The following RAB7A variants were observed in gnomAD, a reference collection of about 807,000 sequenced individuals.
RAB7A encodes ras-related protein Rab-7a.
In RAB7A, 2 loss-of-function variants were observed where a neutral mutation model predicts 24.5. That is an observed-to-expected ratio of 0.08 (90% CI 0.03 to 0.26). The LOEUF (loss-of-function observed/expected upper bound fraction) is 0.26. Ranked by LOEUF, RAB7A falls within the 10% of genes least tolerant of loss-of-function variation. The pLI is 1.00. For missense variants in RAB7A, 118 were observed against 255.7 expected (o/e 0.46, Z 3.67); for synonymous variants, 100 against 95.9 (o/e 1.04, Z -0.25).
chr3:128,754,206 CAAG>C (rs1330736290), intron 1 of RAB7A, among the ~76,000 whole-genome samples: 2 of 152,036 alleles, frequency 1.3e-5, no homozygotes, highest in East Asian at 1.9e-4. Flanking sequence ...ACTTATGTAT[CAAG>C]AAGTTATTAG....
intron 1 of RAB7A, chr3:128,765,071 CG>C (rs147341430): frequency 2.9e-6 from 3 of 1,022,860 alleles, no homozygotes; most frequent in African/African-American, 1.6e-5. Context: ...GGAGCGGCGG[CG>C]GGGGCCTTGG....
rs887831293 is a variant in RAB7A at position 128,747,529 on chromosome 3, T to A, written c.-9+21170T>A. On this transcript the variant is annotated intron_variant, in intron 1 of 5. Transcript: ENST00000265062. ...TGAACCCAGGAGGCGGAGGTTGCAG[T>A]GAGCCGAGATCACGCCATTGCACTC... 3.3e-5 allele frequency among the ~76,000 whole-genome samples: 5 copies of A among 151,012 alleles called. No homozygotes were observed. The East Asian group carries it at 7.8e-4, about 24-fold the overall frequency.
intron 1 of RAB7A, among the ~76,000 whole-genome samples, chr3:128,749,903 C>T (rs1240692195): frequency 6.6e-6 from 1 of 152,100 alleles, no homozygotes; most frequent in Non-Finnish European, 1.5e-5. Context: ...TAAATGGGTA[C>T]CAGTAGAGTG....
chr3:128,757,932 T>TA (rs1204104111), intron 1 of RAB7A, among the ~76,000 whole-genome samples: 3 of 152,170 alleles, frequency 2.0e-5, no homozygotes, highest in South Asian at 2.1e-4. Context: ...GTGCTGGAGT[T>TA]ACACTTGTGA....
intron 3 of RAB7A, among the ~76,000 whole-genome samples, chr3:128,805,498 C>T (rs1022428716): frequency 1.6e-4 from 24 of 152,116 alleles, no homozygotes; most frequent in Admixed American, 1.1e-3. Context: ...CAGCTTAGAG[C>T]TGGGCGGTAG....
At chr3:128,807,771 C>G (rs1455363431) in intron 5 of RAB7A, 100 bp downstream of exon 5, 1 of 1,536,386 alleles carries the variant, frequency 6.5e-7, no homozygotes, top group African/African-American at 1.4e-5. Context: ...CTAACCCACT[C>G]TTTTCTGTAT....
Position 128,795,432 on chromosome 3 carries a change from A to G in RAB7A, c.53+12A>G, listed in dbSNP as rs768872098. 2 of 1,608,612 alleles carry G rather than the reference A, an allele frequency of 1.2e-6. No individual in the cohort carries two copies. The highest frequency in any genetic ancestry group is 1.7e-6 in the Non-Finnish European group (2 of 1,175,018). On this transcript the variant is annotated intron_variant, in intron 2 of 5. Transcript: ENST00000265062. ...CTGGGAGATTCTGGGTAAGTTACTC[A>G]TGAATTTGAGCTAACAGATTGGCTT... is the stretch of plus-strand genomic sequence containing the variant.
At chr3:128,775,461 A>G (rs1933068066) in intron 1 of RAB7A, among the ~76,000 whole-genome samples, 1 of 152,100 alleles carries the variant, frequency 6.6e-6, no homozygotes, top group East Asian at 1.9e-4. Flanking sequence ...GCCGTACCAC[A>G]TTCTGTGGGC....
At chr3:128,786,212 C>G (rs1933336897) in intron 1 of RAB7A, among the ~76,000 whole-genome samples, 1 of 152,190 alleles carries the variant, frequency 6.6e-6, no homozygotes, top group Admixed American at 6.5e-5. Context: ...GTAGTACAGT[C>G]CCCGGCACAA....
intron 1 of RAB7A, among the ~76,000 whole-genome samples, chr3:128,780,581 G>T (rs967759402): frequency 6.6e-6 from 1 of 152,194 alleles, no homozygotes; most frequent in Non-Finnish European, 1.5e-5. Flanking sequence ...CTCAGTAATG[G>T]ACACTTCATG....
intron 1 of RAB7A, among the ~76,000 whole-genome samples, chr3:128,750,369 G>A (rs1010050110): frequency 5.3e-5 from 8 of 152,118 alleles, no homozygotes; most frequent in African/African-American, 1.9e-4. Flanking sequence ...TCAAGTGATT[G>A]TCCTGCTTCA....
intron 1 of RAB7A, among the ~76,000 whole-genome samples, chr3:128,741,413 T>A (rs1275161510): frequency 6.6e-6 from 1 of 152,234 alleles, no homozygotes; most frequent in Non-Finnish European, 1.5e-5. Flanking sequence ...TAGCCAGGTA[T>A]AATATGTCGG....
rs148731507 is a variant in RAB7A at position 128,755,675 on chromosome 3, C to T, written c.-9+29316C>T. On this transcript the variant is annotated intron_variant, in intron 1 of 5. Transcript: ENST00000265062. ...TGTACTCTTTCCACCTTGGACGATG[C>T]CATCTCCTCAACCTGGAAAGTGATA... is the stretch of plus-strand genomic sequence containing the variant. Among the ~76,000 whole-genome samples, 11 of 152,288 alleles carry T rather than the reference C, an allele frequency of 7.2e-5. No homozygotes were observed. The East Asian group carries it at 2.1e-3, about 29-fold the overall frequency.
intron 1 of RAB7A, among the ~76,000 whole-genome samples, chr3:128,755,866 C>G (rs1054308836): frequency 2.0e-5 from 3 of 152,092 alleles, no homozygotes; most frequent in African/African-American, 7.2e-5. Context: ...GTGCTGCACC[C>G]ATTAACTCGT....
At chr3:128,767,724 A>G (rs1236842550) in intron 1 of RAB7A, among the ~76,000 whole-genome samples, 1 of 152,204 alleles carries the variant, frequency 6.6e-6, no homozygotes, top group African/African-American at 2.4e-5. Flanking sequence ...TTTGCAGCAG[A>G]GAATTAAGAA....
chr3:128,793,273 G>A (rs779574315), intron 1 of RAB7A, among the ~76,000 whole-genome samples: 8 of 151,992 alleles, frequency 5.3e-5, no homozygotes, highest in Non-Finnish European at 1.0e-4. Flanking sequence ...CGCCCGCCTT[G>A]GCCTCCCAAA....
At chr3:128,797,017 G>A (rs534619795) in intron 2 of RAB7A, among the ~76,000 whole-genome samples, 1 of 152,274 alleles carries the variant, frequency 6.6e-6, no homozygotes, top group East Asian at 1.9e-4. Flanking sequence ...CAGTGGGCTA[G>A]GGCCTAGATT....
At chr3:128,767,633 C>T (rs945184209) in intron 1 of RAB7A, among the ~76,000 whole-genome samples, 1 of 152,130 alleles carries the variant, frequency 6.6e-6, no homozygotes, top group East Asian at 1.9e-4. Flanking sequence ...AGAAAGTGTT[C>T]CTCTTGGGAA....
chr3:128,737,840 T>A (rs1243090740), intron 1 of RAB7A, among the ~76,000 whole-genome samples: 1 of 105,178 alleles, frequency 9.5e-6, no homozygotes, highest in African/African-American at 4.5e-5. Context: ...TTTTTTTTTT[T>A]TTTTTTTTTT....
Sources: gnomAD v4.1 joint callset for allele counts (sites outside exome capture counted in the v4.1 genomes callset) on GRCh38, gnomAD v4.1.1 for gene constraint, MANE v1.5 for transcripts, NCBI Gene and HGNC (gene_info 2026-07-23, HGNC 2026-07-21) for gene names.